Variants in NAALADL2 observed in about 807,000 individuals in gnomAD.
NAALADL2 encodes N-acetylated alpha-linked acidic dipeptidase like 2.
NAALADL2 carries 76 observed loss-of-function variants against 87.2 expected under a neutral mutation model. That is an observed-to-expected ratio of 0.87 (90% CI 0.72 to 1.05). The LOEUF (loss-of-function observed/expected upper bound fraction) is 1.05. Ranked by LOEUF, NAALADL2 falls within the 50% of genes least tolerant of loss-of-function variation. NAALADL2 has a pLI of 0.00. For missense variants in NAALADL2, 1,089 were observed against 945.8 expected (o/e 1.15, Z -1.99); for synonymous variants, 354 against 331.0 (o/e 1.07, Z -0.75).
chr3:175,060,049 A>G, intron 1 of NAALADL2: 1 of 350,658 alleles, frequency 2.9e-6, no homozygotes, highest in South Asian at 2.7e-5. Flanking sequence ...TGTATTTGAG[A>G]GCTGGGTAGC....
chr3:174,581,011 G>C (rs1242778140), intron 2 of NAALADL2, among the ~76,000 whole-genome samples: 1 of 152,160 alleles, frequency 6.6e-6, no homozygotes, highest in Non-Finnish European at 1.5e-5. Flanking sequence ...GTTATGGTTA[G>C]TGTTTTTAAT....
chr3:175,632,848 C>T (rs748642081), intron 11 of NAALADL2, among the ~76,000 whole-genome samples: 1 of 151,762 alleles, frequency 6.6e-6, no homozygotes, highest in Non-Finnish European at 1.5e-5. Context: ...TGCACTGTCA[C>T]GTATAGTAAT....
intron 11 of NAALADL2, among the ~76,000 whole-genome samples, chr3:175,666,574 T>G (rs1733028225): frequency 6.6e-6 from 1 of 152,250 alleles, no homozygotes; most frequent in Admixed American, 6.5e-5. Flanking sequence ...GGCTGGAAAT[T>G]TAAACAAAAA....
chr3:175,543,582 G>A (rs1712763092), intron 9 of NAALADL2, among the ~76,000 whole-genome samples: 1 of 152,168 alleles, frequency 6.6e-6, no homozygotes, highest in Admixed American at 6.5e-5. Context: ...CGTGGTGGCA[G>A]CAAGGAGAAG....
intron 3 of NAALADL2, among the ~76,000 whole-genome samples, chr3:175,253,178 C>A (rs1167043263): frequency 6.6e-6 from 1 of 152,172 alleles, no homozygotes; most frequent in Non-Finnish European, 1.5e-5. Context: ...CTAGGCCAGG[C>A]TTCCAAGCTC....
At chr3:174,657,410 G>A (rs1725069709) in intron 2 of NAALADL2, among the ~76,000 whole-genome samples, 1 of 151,906 alleles carries the variant, frequency 6.6e-6, no homozygotes, top group South Asian at 2.1e-4. Context: ...ACCTGACTTG[G>A]CCTTCCCAAT....
At chr3:175,571,024 C>T (rs1445919221) in intron 9 of NAALADL2, among the ~76,000 whole-genome samples, 1 of 151,914 alleles carries the variant, frequency 6.6e-6, no homozygotes, top group Non-Finnish European at 1.5e-5. Flanking sequence ...CTTATGTATG[C>T]AGGAGAAAGC....
chr3:174,641,515 G>A (rs188590259), intron 2 of NAALADL2, among the ~76,000 whole-genome samples: 9 of 152,296 alleles, frequency 5.9e-5, no homozygotes, highest in African/African-American at 1.7e-4. Flanking sequence ...GACACACACC[G>A]TGTTAACGAT....
At chr3:175,304,507 A>G (rs1022832733) in intron 4 of NAALADL2, among the ~76,000 whole-genome samples, 2 of 152,052 alleles carry the variant, frequency 1.3e-5, no homozygotes, top group African/African-American at 2.4e-5. Flanking sequence ...ACTCATTTCT[A>G]TATTAGTTTG....
chr3:175,665,196 G>A (rs1348766635), intron 11 of NAALADL2, among the ~76,000 whole-genome samples: 3 of 152,178 alleles, frequency 2.0e-5, no homozygotes, highest in Admixed American at 1.3e-4. Flanking sequence ...TGAGATTGGT[G>A]TAATCAACAT....
chr3:175,098,257 T>C (rs1012255723), intron 2 of NAALADL2, among the ~76,000 whole-genome samples: 1 of 152,104 alleles, frequency 6.6e-6, no homozygotes, highest in Non-Finnish European at 1.5e-5. Flanking sequence ...TGTAAAATTG[T>C]TTACATTGAG....
At chr3:174,707,428 A>T (rs531933343) in intron 2 of NAALADL2, among the ~76,000 whole-genome samples, 2 of 152,304 alleles carry the variant, frequency 1.3e-5, no homozygotes, top group East Asian at 3.9e-4. Flanking sequence ...TGGATTAAGA[A>T]AATGTGGCAC....
At chr3:174,570,006 GCTAT>G (rs935578771) in intron 2 of NAALADL2, among the ~76,000 whole-genome samples, 5 of 152,044 alleles carry the variant, frequency 3.3e-5, no homozygotes, top group African/African-American at 9.7e-5. Flanking sequence ...TTCCCCTAGT[GCTAT>G]CTCTTTTTCT....
chr3:174,705,527 G>A (rs1184348902), intron 2 of NAALADL2, among the ~76,000 whole-genome samples: 1 of 152,194 alleles, frequency 6.6e-6, no homozygotes, highest in Non-Finnish European at 1.5e-5. Context: ...GCTCACGCCT[G>A]TAATCCCAGC....
At chr3:175,570,998 G>C (rs182621535) in intron 9 of NAALADL2, among the ~76,000 whole-genome samples, 1 of 151,874 alleles carries the variant, frequency 6.6e-6, no homozygotes, top group African/African-American at 2.4e-5. Context: ...AATTTCCTGT[G>C]CATGTAGAGT....
chr3:174,874,577 G>GGGT (rs1281035498), intron 1 of NAALADL2, among the ~76,000 whole-genome samples: 1 of 152,116 alleles, frequency 6.6e-6, no homozygotes, highest in African/African-American at 2.4e-5. Flanking sequence ...TGGGGCTCTA[G>GGGT]GGTGTGAGGG....
At chr3:175,271,709 T>C (rs1752868607) in intron 4 of NAALADL2, among the ~76,000 whole-genome samples, 3 of 152,100 alleles carry the variant, frequency 2.0e-5, no homozygotes, top group Admixed American at 2.0e-4. Flanking sequence ...GGGCAATCAT[T>C]TGAACAAGGG....
intron 2 of NAALADL2, among the ~76,000 whole-genome samples, chr3:174,704,143 T>G (rs937802768): frequency 1.3e-5 from 2 of 152,188 alleles, no homozygotes; most frequent in African/African-American, 4.8e-5. Context: ...TGTTGTTATT[T>G]TGTCCTGTTA....
At chr3:175,710,552 A>G (rs1334783546) in intron 11 of NAALADL2, among the ~76,000 whole-genome samples, 2 of 150,718 alleles carry the variant, frequency 1.3e-5, no homozygotes, top group African/African-American at 4.9e-5. Flanking sequence ...TCTATTATAT[A>G]TAAATATTTA....
Sources: gnomAD v4.1 joint callset for allele counts (sites outside exome capture counted in the v4.1 genomes callset) on GRCh38, gnomAD v4.1.1 for gene constraint, MANE v1.5 for transcripts, NCBI Gene and HGNC (gene_info 2026-07-23, HGNC 2026-07-21) for gene names.